Variants in AGBL4 observed in about 807,000 individuals in gnomAD.
AGBL4 encodes AGBL carboxypeptidase 4, also known as cytosolic carboxypeptidase 6.
A neutral mutation model predicts 66.4 loss-of-function variants in AGBL4; 58 were observed. That is an observed-to-expected ratio of 0.87 (90% CI 0.71 to 1.09). The LOEUF is 1.09. AGBL4 is among the 50% of genes least tolerant of loss of function. AGBL4 has a pLI of 0.00. For synonymous variants in AGBL4, 234 were observed against 222.9 expected, an observed-to-expected ratio of 1.05 and a Z score of -0.44; for missense variants, 579 against 631.0, an observed-to-expected ratio of 0.92 and a Z score of 0.88.
chr1:48,968,958 T>C (rs555853312), intron 5 of AGBL4, among the ~76,000 whole-genome samples: 6 of 152,288 alleles, frequency 3.9e-5, no homozygotes, highest in Admixed American at 2.0e-4. Context: ...ATAACATGTA[T>C]TTAACTTTGC....
chr1:49,694,297 T>G (rs1209549065), intron 3 of AGBL4, among the ~76,000 whole-genome samples: 3 of 152,162 alleles, frequency 2.0e-5, no homozygotes, highest in Non-Finnish European at 4.4e-5. Flanking sequence ...TCAAACTTCA[T>G]AGTAAAACTA....
intron 2 of AGBL4, among the ~76,000 whole-genome samples, chr1:49,740,632 T>C (rs948037230): frequency 2.0e-5 from 3 of 152,114 alleles, no homozygotes; most frequent in African/African-American, 7.2e-5. Flanking sequence ...TATTCCAAAA[T>C]TGACCATATA....
intron 3 of AGBL4, among the ~76,000 whole-genome samples, chr1:49,541,329 G>A (rs1393619391): frequency 6.6e-6 from 1 of 152,146 alleles, no homozygotes; most frequent in African/African-American, 2.4e-5. Context: ...AGAGAGGTGT[G>A]GAGGGAGAGG....
chr1:49,786,025 A>G (rs1465895708), intron 2 of AGBL4, among the ~76,000 whole-genome samples: 1 of 151,932 alleles, frequency 6.6e-6, no homozygotes, highest in Non-Finnish European at 1.5e-5. Context: ...GCAGAACATT[A>G]CCTAAACCGT....
chr1:48,625,090 C>CCCCT (rs1223104342), intron 9 of AGBL4, among the ~76,000 whole-genome samples: 9 of 140,500 alleles, frequency 6.4e-5, no homozygotes, highest in African/African-American at 2.5e-4. Context: ...TTTTTTCTTT[C>CCCCT]TCCTTCCTTC....
intron 2 of AGBL4, among the ~76,000 whole-genome samples, chr1:49,802,963 C>T (rs903205032): frequency 1.3e-5 from 2 of 152,018 alleles, no homozygotes; most frequent in Non-Finnish European, 2.9e-5. Context: ...AGATACATAG[C>T]ATTTTTATAG....
At chr1:48,816,100 AAGAG>A (rs1646171427) in intron 6 of AGBL4, among the ~76,000 whole-genome samples, 3 of 127,046 alleles carry the variant, frequency 2.4e-5, no homozygotes, top group South Asian at 2.6e-4. Flanking sequence ...TGTAGAGAGA[AAGAG>A]AGAGAGACAG....
At chr1:50,010,357 A>G (rs1661439732) in intron 1 of AGBL4, among the ~76,000 whole-genome samples, 1 of 152,110 alleles carries the variant, frequency 6.6e-6, no homozygotes, top group African/African-American at 2.4e-5. Flanking sequence ...ATATTGTTAA[A>G]ATGTTCATAC....
At chr1:48,948,293 A>C (rs1656691118) in intron 5 of AGBL4, among the ~76,000 whole-genome samples, 1 of 152,184 alleles carries the variant, frequency 6.6e-6, no homozygotes, top group Non-Finnish European at 1.5e-5. Context: ...TTGTAAATCA[A>C]GCCCTCCTGC....
intron 1 of AGBL4, among the ~76,000 whole-genome samples, chr1:49,877,090 C>A (rs966066213): frequency 5.9e-5 from 9 of 151,582 alleles, no homozygotes; most frequent in Non-Finnish European, 1.2e-4. Flanking sequence ...GATAAACAAT[C>A]ATGTCGTCTG....
chr1:48,842,059 T>C (rs1446390860), intron 6 of AGBL4, among the ~76,000 whole-genome samples: 1 of 152,204 alleles, frequency 6.6e-6, no homozygotes, highest in Non-Finnish European at 1.5e-5. Context: ...GAAAATAACT[T>C]AATAAACTCA....
At chr1:49,545,025 TC>T (rs1047618772) in intron 3 of AGBL4, among the ~76,000 whole-genome samples, 1 of 152,158 alleles carries the variant, frequency 6.6e-6, no homozygotes, top group African/African-American at 2.4e-5. Context: ...TCTAAAATAG[TC>T]CTAAATTAAT....
At chr1:49,333,622 AAAAT>A (rs1645378919) in intron 3 of AGBL4, among the ~76,000 whole-genome samples, 1 of 152,240 alleles carries the variant, frequency 6.6e-6, no homozygotes, top group Non-Finnish European at 1.5e-5. Context: ...TGTTATTTAA[AAAAT>A]AAATAAAAGG....
intron 2 of AGBL4, among the ~76,000 whole-genome samples, chr1:49,828,085 C>G (rs1571655211): frequency 6.6e-6 from 1 of 151,850 alleles, no homozygotes; most frequent in East Asian, 1.9e-4. Context: ...TTCTTATGAA[C>G]AGATGCCTGT....
intron 1 of AGBL4, among the ~76,000 whole-genome samples, chr1:49,917,110 G>A (rs974692189): frequency 1.6e-4 from 25 of 152,174 alleles, no homozygotes; most frequent in East Asian, 3.9e-4. Context: ...AGGAACAACC[G>A]GTACCAGCCA....
intron 3 of AGBL4, among the ~76,000 whole-genome samples, chr1:49,614,209 G>A (rs1645207906): frequency 1.3e-5 from 2 of 152,008 alleles, no homozygotes; most frequent in African/African-American, 4.8e-5. Flanking sequence ...GCCTCTTTTT[G>A]GGCACTACCT....
chr1:50,001,509 A>G lies in AGBL4; in HGVS notation c.34+22254T>C, dbSNP rs191434698. 2.7e-3 allele frequency among the ~76,000 whole-genome samples: 401 copies of G among 148,770 alleles called. 2 individuals carry two copies. Among genetic ancestry groups the G allele is most frequent in the Non-Finnish European group, 3.6e-3 (241 of 67,004 alleles). On this transcript the variant is annotated intron_variant, in intron 1 of 13. Transcript: ENST00000371839. ...TACATATATATGTATGTGTGTGTGT[A>G]TATATATATATATATGAATGTATAT...
chr1:49,385,590 G>A (rs1343650761), intron 3 of AGBL4, among the ~76,000 whole-genome samples: 1 of 151,790 alleles, frequency 6.6e-6, no homozygotes, highest in Non-Finnish European at 1.5e-5. Flanking sequence ...TATTAAAGAA[G>A]GTTGTATATT....
In AGBL4 at chr1:48,947,189, A is replaced by G. The variant is rs545459512; in HGVS notation, c.595-79959T>C. On this transcript the variant is annotated intron_variant, in intron 5 of 13. Coordinates refer to ENST00000371839, the MANE Select transcript of AGBL4 (RefSeq NM_032785.4). ...TCAGAAAAGCCTTTCCTGATGCTCCAGGTTAGGTTAGGCCTCCCCTTGTAT... is the reference window on the plus strand; with the variant it reads ...TCAGAAAAGCCTTTCCTGATGCTCCGGGTTAGGTTAGGCCTCCCCTTGTAT... 3.1e-3 allele frequency among the ~76,000 whole-genome samples: 478 copies of G among 152,320 alleles called. 3 individuals carry two copies. Among genetic ancestry groups the G allele is most frequent in the African/African-American group, 0.011 (459 of 41,558 alleles).
Sources: allele counts gnomAD v4.1 joint callset (sites outside exome capture counted in the v4.1 genomes callset), GRCh38; gene constraint gnomAD v4.1.1; transcripts MANE v1.5; gene names NCBI Gene and HGNC (gene_info 2026-07-23, HGNC 2026-07-21).